The following CDC123 variants were observed in gnomAD, a reference collection of about 807,000 sequenced individuals.
CDC123 encodes translation initiation factor eIF2 assembly protein.
CDC123 carries 37 observed loss-of-function variants against 54.4 expected under a neutral mutation model. The observed-to-expected ratio is 0.68, with a 90% CI of 0.52 to 0.89. The LOEUF (loss-of-function observed/expected upper bound fraction) is 0.89, where lower values mean the gene tolerates loss of function less well. Ranked by LOEUF, CDC123 falls within the 40% of genes least tolerant of loss-of-function variation. The pLI, the probability that CDC123 is intolerant of heterozygous loss-of-function variation, is 0.00. For missense variants in CDC123, 361 were observed against 412.1 expected (o/e 0.88, Z 1.07); for synonymous variants, 144 against 136.8 (o/e 1.05, Z -0.37).
chr10:12,206,080 G>A (rs1327871964), intron 2 of CDC123, among the ~76,000 whole-genome samples: 2 of 152,126 alleles, frequency 1.3e-5, no homozygotes, highest in East Asian at 1.9e-4. Context: ...GATTACAGGC[G>A]TGAGCCACCG....
intron 11 of CDC123, among the ~76,000 whole-genome samples, chr10:12,248,983 C>T (rs1051601452): frequency 2.6e-5 from 4 of 151,490 alleles, no homozygotes; most frequent in South Asian, 2.1e-4. Flanking sequence ...TGGTGACGCG[C>T]GCCTGTAGTC....
At chr10:12,243,738 C>T (rs1176205186) in intron 10 of CDC123, among the ~76,000 whole-genome samples, 2 of 150,452 alleles carry the variant, frequency 1.3e-5, no homozygotes, top group Non-Finnish European at 2.9e-5. Context: ...GAGCAGAGAT[C>T]GCACCACTGC....
chr10:12,242,705 G>T (rs558441795), intron 10 of CDC123, among the ~76,000 whole-genome samples: 46 of 152,278 alleles, frequency 3.0e-4, no homozygotes, highest in Admixed American at 2.9e-3. Flanking sequence ...ACTTTAGGAG[G>T]CTGAGGCAGG....
intron 4 of CDC123, among the ~76,000 whole-genome samples, chr10:12,210,961 C>T (rs1835590512): frequency 1.3e-5 from 2 of 152,154 alleles, no homozygotes; most frequent in Non-Finnish European, 2.9e-5. Flanking sequence ...CTCGGCCTCC[C>T]AAAGTCCTGA....
intron 6 of CDC123, among the ~76,000 whole-genome samples, chr10:12,220,073 C>A (rs957704021): frequency 2.0e-5 from 3 of 152,136 alleles, no homozygotes; most frequent in Admixed American, 2.0e-4. Context: ...TCTCGTGATC[C>A]GCCCGCCTTG....
At chr10:12,213,206 G>A (rs970555443) in intron 4 of CDC123, among the ~76,000 whole-genome samples, 4 of 152,142 alleles carry the variant, frequency 2.6e-5, no homozygotes, top group East Asian at 1.9e-4. Context: ...TACTGTTTGC[G>A]CAAAGAAAAA....
Position 12,225,911 on chromosome 10 carries a change from T to G in CDC123, c.441-5037T>G, listed in dbSNP as rs1302778370. The stretch of plus-strand genomic sequence containing the variant: ...TTCCTAGGCAGAGGACCCTGCGGCC[T>G]TCTGCAGTGTTTGTGTCCCTGGGTA... On this transcript the variant is annotated intron_variant, in intron 6 of 12. Coordinates refer to ENST00000281141, the MANE Select transcript of CDC123 (RefSeq NM_006023.3). 2.6e-5 allele frequency among the ~76,000 whole-genome samples: 4 copies of G among 152,148 alleles called. No individual in the cohort carries two copies. In the East Asian group the frequency reaches 7.7e-4, roughly 29 times the overall value.
At position 12,250,323 on chromosome 10, in the gene CDC123, CAGG is replaced by C; in HGVS notation, c.1002_1004del (p.Glu334del). Reference sequence around the variant, plus strand: ...TTTTCTTTGACAGAAGAGAAATCAGCAGGAGGACGACTGATGAGCGTACTGGAA... The same window carrying C: ...TTTTCTTTGACAGAAGAGAAATCAGCAGGACGACTGATGAGCGTACTGGAA... On this transcript the variant is annotated inframe_deletion, in exon 13 of 13. Transcript: ENST00000281141. 1 of 1,593,408 alleles carries C rather than the reference CAGG, an allele frequency of 6.3e-7. No homozygotes were observed. Among genetic ancestry groups the C allele is most frequent in the Non-Finnish European group, 8.6e-7 (1 of 1,165,052 alleles).
chr10:12,197,952 C>A (rs1253681631), intron 1 of CDC123, among the ~76,000 whole-genome samples: 1 of 152,098 alleles, frequency 6.6e-6, no homozygotes, highest in Non-Finnish European at 1.5e-5. Flanking sequence ...TTCGGGAAAG[C>A]AGGCTGTAAT....
At chr10:12,225,865 T>G (rs1254785630) in intron 6 of CDC123, among the ~76,000 whole-genome samples, 2 of 147,678 alleles carry the variant, frequency 1.4e-5, no homozygotes, top group East Asian at 4.0e-4. Context: ...CAGATAAACA[T>G]GTGAACAAGG....
At chr10:12,224,810 T>C (rs1399886252) in intron 6 of CDC123, among the ~76,000 whole-genome samples, 1 of 152,216 alleles carries the variant, frequency 6.6e-6, no homozygotes, top group Non-Finnish European at 1.5e-5. Context: ...TTGTTTTTTC[T>C]TGAGACGGAG....
intron 10 of CDC123, among the ~76,000 whole-genome samples, chr10:12,243,774 A>G (rs1836091525): frequency 6.7e-6 from 1 of 149,536 alleles, no homozygotes; most frequent in Non-Finnish European, 1.5e-5. Context: ...ACAGAGCGAG[A>G]CTCCATCTCA....
intron 6 of CDC123, among the ~76,000 whole-genome samples, chr10:12,227,038 G>A (rs1210381162): frequency 6.6e-6 from 1 of 152,140 alleles, no homozygotes; most frequent in African/African-American, 2.4e-5. Context: ...CAGATCACTC[G>A]CGGTTAGGAG....
intron 9 of CDC123, among the ~76,000 whole-genome samples, chr10:12,238,016 G>A (rs1836002323): frequency 1.3e-5 from 2 of 152,140 alleles, no homozygotes; most frequent in Admixed American, 6.5e-5. Context: ...ACTGGGCTCT[G>A]TGGCAGATTT....
intron 2 of CDC123, among the ~76,000 whole-genome samples, chr10:12,206,030 G>T (rs1338055131): frequency 6.6e-6 from 1 of 152,172 alleles, no homozygotes; most frequent in Non-Finnish European, 1.5e-5. Context: ...TTGAACTCCT[G>T]ACCTCATGAT....
intron 6 of CDC123, among the ~76,000 whole-genome samples, chr10:12,225,883 G>A (rs1032283886): frequency 1.6e-4 from 24 of 150,334 alleles, no homozygotes; most frequent in African/African-American, 5.9e-4. Flanking sequence ...AGGGTCTCTG[G>A]TTTTCCTAGG....
chr10:12,210,051 C>A, intron 3 of CDC123, 27 bp downstream of exon 3: 1 of 1,605,140 alleles, frequency 6.2e-7, no homozygotes, highest in South Asian at 1.1e-5. Flanking sequence ...ATAATCTGTT[C>A]TGTAGACTGT....
At chr10:12,218,362 C>T (rs4424581) in intron 6 of CDC123, among the ~76,000 whole-genome samples, 10,179 of 150,800 alleles carry the variant, frequency 0.068, 514 homozygotes, top group Non-Finnish European at 0.1. Flanking sequence ...GCCTCAGCCT[C>T]CCAAGTAGCC....
intron 12 of CDC123, chr10:12,250,091 G>T: frequency 4.1e-6 from 2 of 485,464 alleles, no homozygotes; most frequent in Non-Finnish European, 3.6e-6. Context: ...CTGTGTAGGA[G>T]TTTTTGTATG....
Sources: gnomAD v4.1 joint callset for allele counts (sites outside exome capture counted in the v4.1 genomes callset) on GRCh38, gnomAD v4.1.1 for gene constraint, MANE v1.5 for transcripts, NCBI Gene and HGNC (gene_info 2026-07-23, HGNC 2026-07-21) for gene names.